Variants in RIPOR3 observed in about 807,000 individuals in gnomAD.
RIPOR3 encodes family with sequence similarity 65 member C.
RIPOR3 carries 95 observed loss-of-function variants against 114.3 expected under a neutral mutation model. The ratio of observed to expected loss-of-function variants is 0.83; its 90% confidence interval spans 0.70 to 0.99. RIPOR3 has a LOEUF of 0.99. RIPOR3 is among the 50% of genes least tolerant of loss of function. RIPOR3 has a pLI of 0.00. For missense variants in RIPOR3, 1,252 were observed against 1,266.9 expected, an observed-to-expected ratio of 0.99 and a Z score of 0.18; for synonymous variants, 575 against 543.8, an observed-to-expected ratio of 1.06 and a Z score of -0.80.
At chr20:50,664,092 A>G (rs1445573327) in intron 1 of RIPOR3, among the ~76,000 whole-genome samples, 1 of 151,776 alleles carries the variant, frequency 6.6e-6, no homozygotes, top group Admixed American at 6.6e-5. Flanking sequence ...ACACCTGGCT[A>G]ATTTCTGTAT....
chr20:50,657,922 A>AT (rs889334691), intron 1 of RIPOR3, among the ~76,000 whole-genome samples: 4 of 150,516 alleles, frequency 2.7e-5, no homozygotes, highest in African/African-American at 4.9e-5. Context: ...TGCCTGGCTA[A>AT]TTTTTTTTTA....
chr20:50,604,181 G>A (rs1436627490), intron 12 of RIPOR3, among the ~76,000 whole-genome samples: 3 of 146,776 alleles, frequency 2.0e-5, no homozygotes, highest in Admixed American at 6.8e-5. Flanking sequence ...GCGAAACTCC[G>A]TCTCAAAAAA....
Position 50,642,905 on chromosome 20 carries a change from G to T in RIPOR3, c.4-12049C>A, listed in dbSNP as rs1427988639. 3.3e-5 allele frequency among the ~76,000 whole-genome samples: 5 copies of T among 151,988 alleles called. No individual in the cohort carries two copies. The East Asian group carries it at 9.8e-4, about 30-fold the overall frequency. On this transcript the variant is annotated intron_variant, in intron 1 of 21. Transcript: ENST00000327979. ...CTCTACTAAAAATACAAAATTAGCC[G>T]GGCGTAGTGGCACATGCCTGTAATC...
At chr20:50,626,189 C>G (rs554854920) in intron 2 of RIPOR3, among the ~76,000 whole-genome samples, 85 of 152,386 alleles carry the variant, frequency 5.6e-4, no homozygotes, top group Admixed American at 4.0e-3. Context: ...GGGAGCTCGA[C>G]GGAGACAGGA....
At chr20:50,646,802 A>G (rs2085415510) in intron 1 of RIPOR3, among the ~76,000 whole-genome samples, 1 of 152,224 alleles carries the variant, frequency 6.6e-6, no homozygotes, top group Admixed American at 6.5e-5. Flanking sequence ...GGCAGACACT[A>G]AAGTTTGTGT....
At chr20:50,598,245 C>G (rs1028713218) in intron 13 of RIPOR3, among the ~76,000 whole-genome samples, 1 of 152,162 alleles carries the variant, frequency 6.6e-6, no homozygotes, top group Admixed American at 6.5e-5. Flanking sequence ...GTTCCTCCTC[C>G]CTGTTGGGTT....
chr20:50,625,191 C>T (rs975714323), intron 2 of RIPOR3, among the ~76,000 whole-genome samples: 2 of 152,192 alleles, frequency 1.3e-5, no homozygotes, highest in Non-Finnish European at 2.9e-5. Flanking sequence ...CCACCTCAGC[C>T]TCCTGAGTAG....
At chr20:50,677,671 CT>C (rs1341300055) in intron 1 of RIPOR3, among the ~76,000 whole-genome samples, 217 of 130,696 alleles carry the variant, frequency 1.7e-3, no homozygotes, top group Admixed American at 1.8e-3. Context: ...CGCGCCTGGC[CT>C]TTTTTTTTTT....
intron 1 of RIPOR3, among the ~76,000 whole-genome samples, chr20:50,668,734 G>A (rs2086346828): frequency 6.6e-6 from 1 of 152,124 alleles, no homozygotes; most frequent in South Asian, 2.1e-4. Context: ...GCGGGTGCCT[G>A]TAATCCCAGC....
intron 1 of RIPOR3, among the ~76,000 whole-genome samples, chr20:50,634,046 A>T (rs985899404): frequency 1.4e-5 from 2 of 141,922 alleles, no homozygotes; most frequent in Non-Finnish European, 3.0e-5. Flanking sequence ...CAGTGACACG[A>T]TCTCAGCTCA....
intron 1 of RIPOR3, among the ~76,000 whole-genome samples, chr20:50,637,458 C>A (rs1011818279): frequency 1.3e-5 from 2 of 152,138 alleles, no homozygotes; most frequent in African/African-American, 4.8e-5. Flanking sequence ...GCCCCTCACC[C>A]GTATCCTTCA....
intron 14 of RIPOR3, 58 bp downstream of exon 14, chr20:50,597,522 C>G: frequency 6.4e-7 from 1 of 1,557,144 alleles, no homozygotes; most frequent in Non-Finnish European, 8.7e-7. Context: ...ACGTGGAGCT[C>G]GGGTCACCCG....
chr20:50,619,859 G>T (rs546530860), intron 3 of RIPOR3, 127 bp downstream of exon 3: 3 of 1,278,478 alleles, frequency 2.3e-6, no homozygotes, highest in Non-Finnish European at 2.1e-6. Flanking sequence ...CTTACTAAAC[G>T]AATGACCAGG....
At chr20:50,597,458 G>A in intron 14 of RIPOR3, 122 bp downstream of exon 14, 4 of 1,384,924 alleles carry the variant, frequency 2.9e-6, no homozygotes, top group South Asian at 2.8e-5. Context: ...ACGATAGAGT[G>A]ACAAGAGCTG....
At chr20:50,593,843 G>T (rs2083193354) in intron 17 of RIPOR3, among the ~76,000 whole-genome samples, 3 of 152,080 alleles carry the variant, frequency 2.0e-5, no homozygotes. Flanking sequence ...ACAGAGAAAG[G>T]CAAATTCTGG....
rs199937000 is a variant in RIPOR3, at chr20:50,612,209, AAG to A, written c.349-1007_349-1006del. On this transcript the variant is annotated intron_variant, in intron 4 of 21. Transcript: ENST00000327979. ...CTTAGAGTTACTTCTAGAACCAAGA[AAG>A]AGTGTGAAGTGGACCTAAGACATGG... is the stretch of plus-strand genomic sequence containing the variant. 5.3e-3 allele frequency among the ~76,000 whole-genome samples: 809 copies of A among 152,208 alleles called. 13 individuals carry two copies. Among genetic ancestry groups the A allele is most frequent in the African/African-American group, 0.018 (751 of 41,520 alleles).
chr20:50,690,968 T>A (rs1401239780), intron 1 of RIPOR3, among the ~76,000 whole-genome samples, 158 bp downstream of exon 1: 1 of 152,108 alleles, frequency 6.6e-6, no homozygotes, highest in Non-Finnish European at 1.5e-5. Context: ...GATACCGCCA[T>A]CCCATCTCAG....
At chr20:50,597,859 T>A in intron 13 of RIPOR3, 149 bp from the exon 14 acceptor site, 1 of 1,261,022 alleles carries the variant, frequency 7.9e-7, no homozygotes, top group East Asian at 2.6e-5. Context: ...GCCCAGCCGC[T>A]GGCCCAAGGC....
rs965835165 is a variant in RIPOR3 at position 50,595,601 on chromosome 20, C to T, written c.1915-97G>A. On this transcript the variant is annotated intron_variant, in intron 15 of 21. Transcript: ENST00000327979. ...TCCCACCTGCTTGTGCCCATCTCTT[C>T]TGTCCCGGGGGCAGCTCCCTGACTG... 5 of 1,514,190 alleles carry T rather than the reference C, an allele frequency of 3.3e-6. No individual in the cohort carries two copies. The African/African-American group carries it at 5.5e-5, about 17-fold the overall frequency. The allele number at this position is 1,514,190 out of a possible 1,614,324, so 93.8% of individuals were successfully genotyped here.
Sources: allele counts gnomAD v4.1 joint callset (sites outside exome capture counted in the v4.1 genomes callset), GRCh38; gene constraint gnomAD v4.1.1; transcripts MANE v1.5; gene names NCBI Gene and HGNC (gene_info 2026-07-23, HGNC 2026-07-21).